Variants in ZNF697 observed in about 807,000 individuals in gnomAD.
ZNF697 encodes the protein zinc finger protein 697.
A neutral mutation model predicts 32.4 loss-of-function variants in ZNF697; 23 were observed. That is an observed-to-expected ratio of 0.71 (90% CI 0.51 to 1.01). The LOEUF is 1.01. Among genes scored for constraint, ZNF697 ranks in the 50% least tolerant of loss-of-function variants. ZNF697 has a pLI of 0.00. For synonymous variants in ZNF697, 418 were observed against 337.2 expected (o/e 1.24, Z -2.62); for missense variants, 930 against 794.0 (o/e 1.17, Z -2.06).
At chr1:119,634,090 G>A (rs1355375765) in intron 1 of ZNF697, among the ~76,000 whole-genome samples, 1 of 152,188 alleles carries the variant, frequency 6.6e-6, no homozygotes, top group Non-Finnish European at 1.5e-5. Context: ...GTTGATGCTG[G>A]AATCCCATAT....
intron 1 of ZNF697, among the ~76,000 whole-genome samples, chr1:119,639,960 G>GT (rs1313020492): frequency 1.3e-5 from 2 of 152,190 alleles, no homozygotes; most frequent in East Asian, 3.8e-4. Context: ...TTTGGCCTTA[G>GT]TTTTCTTCAT....
At chr1:119,646,948 G>A (rs1400523344) in intron 1 of ZNF697, among the ~76,000 whole-genome samples, 2 of 152,114 alleles carry the variant, frequency 1.3e-5, no homozygotes, top group Non-Finnish European at 2.9e-5. Flanking sequence ...CGCAGTAGGG[G>A]ATGCGGAGTA....
At position 119,621,445 on chromosome 1, in the gene ZNF697, G is replaced by A. The variant is rs1420355553; in HGVS notation, c.*1260C>T. On this transcript the variant is annotated 3_prime_UTR_variant, in exon 3 of 3. Coordinates refer to ENST00000421812, the MANE Select transcript of ZNF697 (RefSeq NM_001080470.2). The stretch of plus-strand genomic sequence containing the variant: ...TTGCAAATATCAAAGTGCTATTTTG[G>A]CATCTATATAACAACCAGAAAACAT... 6.6e-6 allele frequency: 1 copy of A among 152,576 alleles called. No individual in the cohort carries two copies. Among genetic ancestry groups the A allele is most frequent in the African/African-American group, 2.4e-5 (1 of 41,416 alleles). 9.5% of individuals were successfully genotyped at this position (152,576 alleles called of 1,614,324 possible).
At chr1:119,640,384 G>A (rs1203609964) in intron 1 of ZNF697, among the ~76,000 whole-genome samples, 1 of 152,150 alleles carries the variant, frequency 6.6e-6, no homozygotes, top group African/African-American at 2.4e-5. Context: ...CTCCCAACTG[G>A]ATCCAATAAC....
chr1:119,623,807 C>A lies in ZNF697; in HGVS notation c.536G>T (p.Ser179Ile). Residue 179 changes from serine (S) to isoleucine (I), a missense_variant, in exon 3 of 3, where the codon AGC becomes ATC. Transcript: ENST00000421812. ...PMAVDLGELDSLVASIMDAPT... is the reference protein window; with the variant it reads ...PMAVDLGELDILVASIMDAPT... The stretch of plus-strand genomic sequence containing the variant: ...CGCGTCCATGATGCTGGCCACCAGG[C>A]TATCCAGCTCCCCGAGGTCCACGGC... 6.5e-7 allele frequency: 1 copy of A among 1,546,956 alleles called. No individual in the cohort carries two copies. The highest frequency in any genetic ancestry group is 1.2e-5 in the South Asian group (1 of 83,448).
chr1:119,631,131 G>A (rs916513523), intron 1 of ZNF697, among the ~76,000 whole-genome samples: 7 of 152,356 alleles, frequency 4.6e-5, no homozygotes, highest in Non-Finnish European at 1.0e-4. Context: ...TAGAAACCAA[G>A]GCCAGAAATA....
At chr1:119,645,052 C>T (rs1314041061) in intron 1 of ZNF697, among the ~76,000 whole-genome samples, 1 of 152,180 alleles carries the variant, frequency 6.6e-6, no homozygotes, top group East Asian at 1.9e-4. Flanking sequence ...GGGATTAATC[C>T]ACTCCATATT....
At position 119,623,234 on chromosome 1, in the gene ZNF697, T is replaced by C. The variant is rs759437539; in HGVS notation, c.1109A>G (p.Asn370Ser). Residue 370 changes from asparagine to serine, a missense_variant, in exon 3 of 3, where the codon AAC (asparagine) becomes AGC (serine). Physicochemically the swap from Asn to Ser is conservative, Grantham distance 46. Coordinates refer to ENST00000421812, the MANE Select transcript of ZNF697 (RefSeq NM_001080470.2). ...KGFVRRSHLA[N>S]HQRIHTGEKP... ...CTCGCCCGTGTGGATGCGCTGGTGGTTGGCCAGGTGCGAACGGCGCACGAA... is the reference window on the plus strand; with the variant it reads ...CTCGCCCGTGTGGATGCGCTGGTGGCTGGCCAGGTGCGAACGGCGCACGAA... The C allele has an allele frequency of 5.1e-6, 8 of 1,570,634 alleles. No homozygotes were observed. Among genetic ancestry groups the C allele is most frequent in the African/African-American group, 4.1e-5 (3 of 73,522 alleles).
chr1:119,623,591 G>T lies in ZNF697; in HGVS notation c.752C>A (p.Pro251Gln). ...CTTTTCGCGCGGGGGCCGGGCCAGC[G>T]GGGGCCCGGCCCCGAAGCCCCCCGC... is the stretch of plus-strand genomic sequence containing the variant. ...GVAGGFGAGP[P>Q]LARPPREKPF... is the part of the protein sequence containing the mutation. Residue 251 changes from proline (P) to glutamine (Q), a missense_variant, in exon 3 of 3, where the codon CCG becomes CAG. Pro to Gln is a moderately conservative substitution (Grantham distance 76). Coordinates refer to ENST00000421812, the MANE Select transcript of ZNF697 (RefSeq NM_001080470.2). 7.0e-7 allele frequency: 1 copy of T among 1,436,672 alleles called. No individual in the cohort carries two copies. Among genetic ancestry groups the T allele is most frequent in the Non-Finnish European group, 9.0e-7 (1 of 1,107,622 alleles). The allele number at this position is 1,436,672 out of a possible 1,614,324, so 89.0% of individuals were successfully genotyped here. A position where few individuals can be genotyped will look rare whatever the true frequency, so the allele number is the denominator to read the frequency against.
chr1:119,635,212 T>C (rs1431128691), intron 1 of ZNF697, among the ~76,000 whole-genome samples: 1 of 152,196 alleles, frequency 6.6e-6, no homozygotes, highest in African/African-American at 2.4e-5. Context: ...GGCCAGAACA[T>C]AATAAAATAT....
rs924432746 is a variant in ZNF697, at chr1:119,622,431, A to G, written c.*274T>C. On this transcript the variant is annotated 3_prime_UTR_variant, in exon 3 of 3. Transcript: ENST00000421812. Reference sequence around the variant, plus strand: ...CTTCCTCAAAGTGCCTGGTCCTCCAAGCTCTTCACCCCCTACAGCGTGTAT... The same window carrying G: ...CTTCCTCAAAGTGCCTGGTCCTCCAGGCTCTTCACCCCCTACAGCGTGTAT... The G allele has an allele frequency of 1.2e-5, 5 of 429,444 alleles. No homozygotes were observed. Among genetic ancestry groups the G allele is most frequent in the Non-Finnish European group, 1.8e-5 (5 of 272,746 alleles). 26.6% of individuals were successfully genotyped at this position (429,444 alleles called of 1,614,324 possible).
Position 119,623,257 on chromosome 1 carries a change from G to A in ZNF697, c.1086C>T (p.Phe362=). Residue 362 remains phenylalanine (F), a synonymous_variant, in exon 3 of 3, where the codon TTC becomes TTT. Coordinates refer to ENST00000421812, the MANE Select transcript of ZNF697 (RefSeq NM_001080470.2). ...GGTTGGCCAGGTGCGAACGGCGCAC[G>A]AAGCCCTTGCCGCACTCCCCGCAGG... ...PFACGECGKG[F]VRRSHLANHQ... is the part of the protein sequence containing the mutation. 6.5e-7 allele frequency: 1 copy of A among 1,546,926 alleles called. No homozygotes were observed. The highest frequency in any genetic ancestry group is 8.7e-7 in the Non-Finnish European group (1 of 1,150,074).
rs1290775756 is a variant in ZNF697 at position 119,626,156 on chromosome 1, A to G, written c.-37-19T>C. Reference sequence around the variant, plus strand: ...GGAATCCCTGCTCCAGAAAAACACAAAGAAAGGTCACGTCAGTCCGGTCTC... The same window carrying G: ...GGAATCCCTGCTCCAGAAAAACACAGAGAAAGGTCACGTCAGTCCGGTCTC... On this transcript the variant is annotated intron_variant, in intron 1 of 2. Transcript: ENST00000421812. 6.2e-7 allele frequency: 1 copy of G among 1,608,918 alleles called. No homozygotes were observed. The highest frequency in any genetic ancestry group is 1.3e-5 in the African/African-American group (1 of 74,782).
chr1:119,637,518 C>T (rs1372230668), intron 1 of ZNF697, among the ~76,000 whole-genome samples: 1 of 152,234 alleles, frequency 6.6e-6, no homozygotes, highest in African/African-American at 2.4e-5. Context: ...CTTCAGATTA[C>T]TGGATTCCTT....
At chr1:119,629,640 A>C (rs1033721004) in intron 1 of ZNF697, among the ~76,000 whole-genome samples, 3 of 152,266 alleles carry the variant, frequency 2.0e-5, no homozygotes, top group Non-Finnish European at 4.4e-5. Flanking sequence ...TAATGTTTGT[A>C]AAAGCTGCTG....
chr1:119,645,848 C>CA (rs1471138500), intron 1 of ZNF697, among the ~76,000 whole-genome samples: 1 of 152,158 alleles, frequency 6.6e-6, no homozygotes, highest in Non-Finnish European at 1.5e-5. Context: ...GTTCAAGCTC[C>CA]AGACCTCTTA....
In ZNF697 at chr1:119,634,858, T is replaced by C. The variant is rs114040024; in HGVS notation, c.-37-8721A>G. Among the ~76,000 whole-genome samples the C allele has an allele frequency of 8.5e-3, 1,293 of 152,322 alleles. 27 individuals are homozygous for C. Among genetic ancestry groups the C allele is most frequent in the African/African-American group, 0.029 (1,201 of 41,566 alleles). On this transcript the variant is annotated intron_variant, in intron 1 of 2. Coordinates refer to ENST00000421812, the MANE Select transcript of ZNF697 (RefSeq NM_001080470.2). ...AGGAACTGTGAATACTAATTAGATA[T>C]TTGATATCAAGGAACTTCATTTTGT...
rs145106375 is a variant in ZNF697, at chr1:119,631,313, T to C, written c.-37-5176A>G. Among the ~76,000 whole-genome samples the C allele has an allele frequency of 1.1e-4, 16 of 152,310 alleles. No homozygotes were observed. The East Asian group carries it at 3.1e-3, about 29-fold the overall frequency. On this transcript the variant is annotated intron_variant, in intron 1 of 2. Transcript: ENST00000421812. ...GCACCTTCCTATGCACTGCAGCGGG[T>C]CCATCTCCTTTGACTCCAGTAACTG...
chr1:119,622,669 G>T lies in ZNF697; in HGVS notation c.*36C>A. The T allele has an allele frequency of 6.8e-7, 1 of 1,475,940 alleles. No individual in the cohort carries two copies. 91.4% of individuals were successfully genotyped at this position (1,475,940 alleles called of 1,614,324 possible). ...AGTCCCAGGATATCTACCCCCCACA[G>T]GCTCCCCAGACGGCAGCCTCCCGCG... On this transcript the variant is annotated 3_prime_UTR_variant, in exon 3 of 3. Transcript: ENST00000421812.
Sources: allele counts gnomAD v4.1 joint callset (sites outside exome capture counted in the v4.1 genomes callset), GRCh38; gene constraint gnomAD v4.1.1; transcripts MANE v1.5; gene names NCBI Gene and HGNC (gene_info 2026-07-23, HGNC 2026-07-21).